ABCB4: variants seen among roughly 807,000 people sequenced by gnomAD.
ABCB4 encodes phosphatidylcholine translocator ABCB4.
In ABCB4, 76 loss-of-function variants were observed where a neutral mutation model predicts 145.7. The ratio of observed to expected loss-of-function variants is 0.52; its 90% CI spans 0.43 to 0.63. ABCB4 has a LOEUF of 0.63. Among genes scored for constraint, ABCB4 ranks in the 30% least tolerant of loss-of-function variants. The pLI is 0.00. For synonymous variants in ABCB4, 517 were observed against 566.8 expected (o/e 0.91, Z 1.25); for missense variants, 1,234 against 1,553.1 (o/e 0.79, Z 3.45).
chr7:87,430,048 C>G (rs1345941968), intron 15 of ABCB4, among the ~76,000 whole-genome samples: 1 of 152,030 alleles, frequency 6.6e-6, no homozygotes, highest in East Asian at 1.9e-4. Flanking sequence ...TTATAGCAAC[C>G]TCTCATGGTA....
chr7:87,443,549 T>TA lies in ABCB4; in HGVS notation c.1231-106dup, dbSNP rs1468223610. ...GAAAAAAAAGTATCAAATAAGGGAA[T>TA]ATAACCCCCAAAGGAAAAGGCACAT... On this transcript the variant is annotated intron_variant, in intron 11 of 27. Transcript: ENST00000649586. 8.4e-6 allele frequency: 13 copies of TA among 1,549,720 alleles called. No individual in the cohort carries two copies. The African/African-American group carries it at 1.6e-4, about 20-fold the overall frequency.
intron 3 of ABCB4, among the ~76,000 whole-genome samples, chr7:87,467,259 GATAA>G (rs1421476208): frequency 6.6e-6 from 1 of 152,154 alleles, no homozygotes; most frequent in Non-Finnish European, 1.5e-5. Context: ...CCTAGTCTCT[GATAA>G]AACAGAATTT....
At chr7:87,377,277 T>C in the ABCB4 span, 1 of 865,200 alleles carries the variant, frequency 1.2e-6, no homozygotes, top group Non-Finnish European at 1.8e-6. Context: ...AGATGATATA[T>C]GTGTTTAAGA....
chr7:87,463,172 G>T (rs928188456), intron 3 of ABCB4, among the ~76,000 whole-genome samples: 2 of 151,798 alleles, frequency 1.3e-5, no homozygotes, highest in Non-Finnish European at 2.9e-5. Flanking sequence ...AGGGATAAAG[G>T]TTTAAGAAAT....
the ABCB4 span, chr7:87,382,144 A>G: frequency 1.9e-6 from 3 of 1,613,494 alleles, no homozygotes; most frequent in South Asian, 3.3e-5. Context: ...AAAGTTTTAA[A>G]TGACATCAAC....
chr7:87,377,222 A>G, the ABCB4 span: 1 of 575,884 alleles, frequency 1.7e-6, no homozygotes, highest in East Asian at 3.0e-5. Context: ...GATCATAACT[A>G]TATTATGATT....
chr7:87,374,887 G>A, the ABCB4 span, among the ~76,000 whole-genome samples: 1 of 151,934 alleles, frequency 6.6e-6, no homozygotes, highest in Non-Finnish European at 1.5e-5. Flanking sequence ...ATCCTTGAAA[G>A]CTTTTAAATT....
At chr7:87,369,497 C>CT in the ABCB4 span, 14 of 1,576,378 alleles carry the variant, frequency 8.9e-6, no homozygotes, top group Non-Finnish European at 3.5e-6. Flanking sequence ...TTTCAGACTA[C>CT]TTTCTTGAGT....
intron 3 of ABCB4, among the ~76,000 whole-genome samples, chr7:87,464,042 G>A (rs766349996): frequency 1.6e-4 from 24 of 151,186 alleles, no homozygotes; most frequent in Non-Finnish European, 2.9e-4. Flanking sequence ...CTTTTAAAAT[G>A]CTTTACTCTG....
chr7:87,462,965 T>A, intron 3 of ABCB4, 57 bp from the exon 4 acceptor site: 16 of 1,472,958 alleles, frequency 1.1e-5, no homozygotes, highest in Admixed American at 1.8e-5. Context: ...TCCTCTTCCA[T>A]AATTATATAT....
In ABCB4 at chr7:87,401,868, A is replaced by T. The variant is rs1192019390; in HGVS notation, c.*228T>A. On this transcript the variant is annotated 3_prime_UTR_variant, in exon 28 of 28. Coordinates refer to ENST00000649586, the MANE Select transcript of ABCB4 (RefSeq NM_000443.4). Reference sequence around the variant, plus strand: ...GTTCTTTTTCTGGATGTTTCTAATAACTTAGGGAGAGCTAGCCTGTTGTTT... The same window carrying T: ...GTTCTTTTTCTGGATGTTTCTAATATCTTAGGGAGAGCTAGCCTGTTGTTT... 2.9e-6 allele frequency: 2 copies of T among 686,940 alleles called. No homozygotes were observed. The highest frequency in any genetic ancestry group is 5.2e-6 in the Non-Finnish European group (2 of 383,224). The allele number at this position is 686,940 out of a possible 1,614,324, so 42.6% of individuals were successfully genotyped here.
intron 14 of ABCB4, among the ~76,000 whole-genome samples, chr7:87,437,905 G>T (rs1810716190): frequency 6.6e-6 from 1 of 152,118 alleles, no homozygotes; most frequent in Non-Finnish European, 1.5e-5. Context: ...ATCAACTGAG[G>T]AGTGTGCTAT....
At chr7:87,397,904 T>C (rs1807594962), downstream of ABCB4, among the ~76,000 whole-genome samples, 1 of 152,202 alleles carries the variant, frequency 6.6e-6, no homozygotes, top group Admixed American at 6.5e-5. Context: ...AACTTCTGTC[T>C]GTAAAGTGGA....
At position 87,412,532 on chromosome 7, in the gene ABCB4, A is replaced by G. The variant is rs45501791; in HGVS notation, c.2784-499T>C. Among the ~76,000 whole-genome samples the G allele has an allele frequency of 6.1e-3, 932 of 152,246 alleles. 13 individuals carry two copies. The highest frequency in any genetic ancestry group is 0.021 in the African/African-American group (879 of 41,544). ...GATATACACCAGAAGTCCTTTCCCA[A>G]GCTAGATCCTGCCAGCCGCCCCTGT... On this transcript the variant is annotated intron_variant, in intron 22 of 27. Transcript: ENST00000649586.
chr7:87,449,801 G>C (rs1811587394), intron 8 of ABCB4, among the ~76,000 whole-genome samples, 167 bp downstream of exon 8: 1 of 152,092 alleles, frequency 6.6e-6, no homozygotes, highest in Non-Finnish European at 1.5e-5. Context: ...TAAGAATCTT[G>C]CTTTAGAGTC....
intron 3 of ABCB4, among the ~76,000 whole-genome samples, chr7:87,468,079 A>G (rs1394019121): frequency 2.6e-5 from 4 of 152,192 alleles, no homozygotes; most frequent in Non-Finnish European, 4.4e-5. Context: ...GACATAAAAA[A>G]CCCTTCAAAA....
the ABCB4 span, among the ~76,000 whole-genome samples, chr7:87,382,965 G>A: frequency 5.9e-5 from 9 of 152,130 alleles, no homozygotes; most frequent in Admixed American, 1.3e-4. Context: ...GTCCCTCAAT[G>A]TTGCTTTTTC....
chr7:87,439,663 T>C lies in ABCB4; in HGVS notation c.1731+4A>G. ...GGTCCTTCAGCTTTTTAGAGTCTACTGACCTTATCCAGAGCTGCCTGTACC... is the reference window on the plus strand; with the variant it reads ...GGTCCTTCAGCTTTTTAGAGTCTACCGACCTTATCCAGAGCTGCCTGTACC... On this transcript the variant is annotated splice_donor_region_variant and intron_variant, in intron 14 of 27. Coordinates refer to ENST00000649586, the MANE Select transcript of ABCB4 (RefSeq NM_000443.4). The C allele has an allele frequency of 6.2e-7, 1 of 1,614,184 alleles. No individual in the cohort carries two copies. Among genetic ancestry groups the C allele is most frequent in the Non-Finnish European group, 8.5e-7 (1 of 1,180,004 alleles).
At chr7:87,408,329 A>G in intron 24 of ABCB4, 95 bp from the exon 25 acceptor site, 3 of 1,232,050 alleles carry the variant, frequency 2.4e-6, no homozygotes, top group African/African-American at 3.0e-5. Flanking sequence ...AGACTGTAGT[A>G]GAGAAACATA....
Sources: gnomAD v4.1 joint callset for allele counts (sites outside exome capture counted in the v4.1 genomes callset) on GRCh38, gnomAD v4.1.1 for gene constraint, MANE v1.5 for transcripts, NCBI Gene and HGNC (gene_info 2026-07-23, HGNC 2026-07-21) for gene names.